Variants in GNG2 observed in about 807,000 individuals in gnomAD.
GNG2 encodes guanine nucleotide-binding protein G(I)/G(S)/G(O) subunit gamma-2.
Under a neutral mutation model 5.5 loss-of-function variants are expected in GNG2, and 5 were observed. The ratio of observed to expected loss-of-function variants is 0.91; its 90% confidence interval spans 0.48 to 1.92. The LOEUF (loss-of-function observed/expected upper bound fraction) is 1.92. Among genes scored for constraint, GNG2 ranks in the 30% most tolerant of loss-of-function variants. GNG2 has a pLI of 0.01. For synonymous variants in GNG2, 28 were observed against 32.0 expected (o/e 0.88, Z 0.42); for missense variants, 55 against 88.4 (o/e 0.62, Z 1.52).
chr14:51,882,970 A>T lies in GNG2; in HGVS notation c.-30+5313A>T, dbSNP rs960227585. 2.7e-5 allele frequency among the ~76,000 whole-genome samples: 4 copies of T among 150,790 alleles called. No individual in the cohort carries two copies. The South Asian group carries it at 6.3e-4, about 24-fold the overall frequency. On this transcript the variant is annotated intron_variant, in intron 2 of 3. Coordinates refer to ENST00000556766, the MANE Select transcript of GNG2 (RefSeq NM_053064.5). Reference sequence around the variant, plus strand: ...GCTTGCAGTGAGCAGAGATCGTGCCACTGCACTCCAGCCTGGGTGACAGAG... The same window carrying T: ...GCTTGCAGTGAGCAGAGATCGTGCCTCTGCACTCCAGCCTGGGTGACAGAG...
At chr14:51,927,706 A>G (rs1344216692) in intron 2 of GNG2, among the ~76,000 whole-genome samples, 1 of 152,226 alleles carries the variant, frequency 6.6e-6, no homozygotes, top group East Asian at 1.9e-4. Flanking sequence ...GTTTGATGAC[A>G]CTGAGATTTG....
chr14:51,862,247 T>A (rs995447169), intron 1 of GNG2, among the ~76,000 whole-genome samples: 1 of 152,226 alleles, frequency 6.6e-6, no homozygotes, highest in African/African-American at 2.4e-5. Flanking sequence ...AAAGTAAACC[T>A]GCACCATGCC....
At chr14:51,839,397 C>T (rs756840808) in intron 2 of GNG2, among the ~76,000 whole-genome samples, 1 of 152,158 alleles carries the variant, frequency 6.6e-6, no homozygotes, top group Non-Finnish European at 1.5e-5. Context: ...GGGATGACTT[C>T]GAGTTCTGTC....
At chr14:51,832,665 C>T (rs1445952555) in intron 2 of GNG2, among the ~76,000 whole-genome samples, 2 of 152,216 alleles carry the variant, frequency 1.3e-5, no homozygotes, top group African/African-American at 4.8e-5. Flanking sequence ...TTTTGGATGG[C>T]TGCCTTCTCC....
chr14:51,932,272 A>AAAAAGG (rs1887712828), intron 2 of GNG2, among the ~76,000 whole-genome samples: 1 of 65,008 alleles, frequency 1.5e-5, no homozygotes, highest in Non-Finnish European at 3.2e-5. Flanking sequence ...AAAAAAAAAA[A>AAAAAGG]GAAAAGAAAA....
Position 51,908,736 on chromosome 14 carries a change from A to ATTTTTTTTTTTTTTTTTTT in GNG2, c.-30+31084_-30+31102dup, listed in dbSNP as rs3030340. Among the ~76,000 whole-genome samples, 5 of 89,880 alleles carry ATTTTTTTTTTTTTTTTTTT rather than the reference A, an allele frequency of 5.6e-5. 2 individuals carry two copies. Among genetic ancestry groups the ATTTTTTTTTTTTTTTTTTT allele is most frequent in the African/African-American group, 2.1e-4 (5 of 23,832 alleles). The allele number at this position is 89,880 out of a possible 152,430, so 59.0% of individuals were successfully genotyped here. On this transcript the variant is annotated intron_variant, in intron 2 of 3. Coordinates refer to ENST00000556766, the MANE Select transcript of GNG2 (RefSeq NM_053064.5). ...AGGCGTGCGCCACCACACCCAGCTA[A>ATTTTTTTTTTTTTTTTTTT]TTTTTTTTTTTTTTTTTTTTTTTAG... is the stretch of plus-strand genomic sequence containing the variant.
At chr14:51,832,398 T>G (rs749097223) in intron 2 of GNG2, among the ~76,000 whole-genome samples, 6 of 152,320 alleles carry the variant, frequency 3.9e-5, no homozygotes, top group Admixed American at 1.3e-4. Context: ...GAAATATGAT[T>G]GCTAATTAGA....
chr14:51,831,906 GTAT>G (rs1881202904), intron 2 of GNG2, among the ~76,000 whole-genome samples: 2 of 152,096 alleles, frequency 1.3e-5, no homozygotes, highest in African/African-American at 4.8e-5. Flanking sequence ...ACTGTCAAAA[GTAT>G]TATTTTCAAA....
chr14:51,862,902 G>A (rs1469522246), intron 1 of GNG2, among the ~76,000 whole-genome samples: 1 of 151,962 alleles, frequency 6.6e-6, no homozygotes, highest in Non-Finnish European at 1.5e-5. Context: ...CTGGCCATAT[G>A]GAATATTGAA....
intron 1 of GNG2, chr14:51,874,195 G>A (rs1465408099): frequency 2.0e-5 from 3 of 152,356 alleles, no homozygotes; most frequent in Non-Finnish European, 4.4e-5. Context: ...GGAAGGCTGA[G>A]GTGGGGCGGA....
At chr14:51,943,709 AT>A (rs1238381377) in intron 2 of GNG2, among the ~76,000 whole-genome samples, 3 of 152,260 alleles carry the variant, frequency 2.0e-5, no homozygotes, top group African/African-American at 7.2e-5. Flanking sequence ...TAACAGTAGC[AT>A]CAAAAAGAAT....
At chr14:51,880,482 G>A (rs1422865757) in intron 2 of GNG2, among the ~76,000 whole-genome samples, 2 of 152,164 alleles carry the variant, frequency 1.3e-5, no homozygotes, top group South Asian at 4.1e-4. Context: ...TTCTTGCCGG[G>A]TGTATGAAAT....
At chr14:51,892,558 TC>T (rs1037705653) in intron 2 of GNG2, among the ~76,000 whole-genome samples, 2 of 152,150 alleles carry the variant, frequency 1.3e-5, no homozygotes, top group African/African-American at 4.8e-5. Flanking sequence ...CTCAGCCTAC[TC>T]CCAAAGTGCC....
chr14:51,895,731 A>T (rs561275098), intron 2 of GNG2, among the ~76,000 whole-genome samples: 1 of 152,298 alleles, frequency 6.6e-6, no homozygotes, highest in South Asian at 2.1e-4. Flanking sequence ...CCCCACCCAA[A>T]TCTCATCTTG....
intron 2 of GNG2, among the ~76,000 whole-genome samples, chr14:51,842,329 G>A (rs1454255971): frequency 1.3e-5 from 2 of 152,214 alleles, no homozygotes; most frequent in Non-Finnish European, 2.9e-5. Flanking sequence ...AGAGAACAAG[G>A]AAGCATCTTC....
At chr14:51,949,762 C>T (rs1888863747) in intron 2 of GNG2, among the ~76,000 whole-genome samples, 1 of 152,016 alleles carries the variant, frequency 6.6e-6, no homozygotes, top group South Asian at 2.1e-4. Flanking sequence ...GGGAAGTGGG[C>T]ATCAGCAACG....
chr14:51,829,845 C>CTTT lies in GNG2; in HGVS notation c.64+2051_64+2053dup, dbSNP rs35713457. Among the ~76,000 whole-genome samples the CTTT allele has an allele frequency of 9.2e-3, 1,275 of 137,848 alleles. 23 individuals carry two copies. Among genetic ancestry groups the CTTT allele is most frequent in the African/African-American group, 0.033 (1,216 of 37,042 alleles). The allele number at this position is 137,848 out of a possible 152,430, so 90.4% of individuals were successfully genotyped here. A position where few individuals can be genotyped will look rare whatever the true frequency, so the allele number is the denominator to read the frequency against. The stretch of plus-strand genomic sequence containing the variant: ...CCTAGTTGATCACTCCCTACTTCTT[C>CTTT]TTTTTTTTTTTTTTTGAGACAGAGT... On this transcript the variant is annotated intron_variant, in intron 2 of 3. Coordinates refer to the GNG2 transcript ENST00000553432.
intron 2 of GNG2, among the ~76,000 whole-genome samples, chr14:51,891,817 A>C (rs1884872844): frequency 1.3e-5 from 2 of 152,136 alleles, no homozygotes; most frequent in Admixed American, 1.3e-4. Context: ...CACACACTTT[A>C]TTCATTCTAC....
chr14:51,926,085 AGAGACATT>A (rs556249531), intron 2 of GNG2, among the ~76,000 whole-genome samples: 82 of 151,850 alleles, frequency 5.4e-4, no homozygotes, highest in African/African-American at 1.8e-3. Flanking sequence ...ACAGAGTTCT[AGAGACATT>A]GAGACGGTAA....
Sources: allele counts gnomAD v4.1 joint callset (sites outside exome capture counted in the v4.1 genomes callset), GRCh38; gene constraint gnomAD v4.1.1; transcripts MANE v1.5; gene names NCBI Gene and HGNC (gene_info 2026-07-23, HGNC 2026-07-21).